Variants in PXDNL observed in about 807,000 individuals in gnomAD.
PXDNL encodes the protein probable oxidoreductase PXDNL.
PXDNL carries 145 observed loss-of-function variants against 150.8 expected under a neutral mutation model. That is an observed-to-expected ratio of 0.96 (90% CI 0.84 to 1.10). The LOEUF (loss-of-function observed/expected upper bound fraction) is 1.10. PXDNL is among the 50% of genes least tolerant of loss of function. The pLI is 0.00. For synonymous variants in PXDNL, 757 were observed against 725.7 expected, an observed-to-expected ratio of 1.04 and a Z score of -0.69; for missense variants, 2,087 against 1,873.9, an observed-to-expected ratio of 1.11 and a Z score of -2.10.
chr8:51,588,543 G>A (rs62505324), intron 3 of PXDNL, among the ~76,000 whole-genome samples: 3,067 of 152,296 alleles, frequency 0.02, 46 homozygotes, highest in East Asian at 0.034. Flanking sequence ...ACTTGTGTAT[G>A]TAATTGATCC....
At chr8:51,527,709 GGAGA>G (rs1811799212) in intron 4 of PXDNL, among the ~76,000 whole-genome samples, 1 of 152,150 alleles carries the variant, frequency 6.6e-6, no homozygotes, top group Admixed American at 6.5e-5. Flanking sequence ...CCTACATGTA[GGAGA>G]GAGAACCATC....
Position 51,405,278 on chromosome 8 carries a change from G to A in PXDNL, c.3557+2789C>T, listed in dbSNP as rs114183168. ...CTCAACAGCGGCCTGAGTGGGTACC[G>A]AGGCCGAGGAGGTGCCCAGAGCGAG... On this transcript the variant is annotated intron_variant, in intron 17 of 22. Transcript: ENST00000356297. 5.0e-3 allele frequency among the ~76,000 whole-genome samples: 759 copies of A among 152,330 alleles called. 5 individuals carry two copies. Among genetic ancestry groups the A allele is most frequent in the African/African-American group, 0.017 (723 of 41,578 alleles).
intron 17 of PXDNL, among the ~76,000 whole-genome samples, chr8:51,403,897 G>A (rs780771754): frequency 6.6e-6 from 1 of 152,208 alleles, no homozygotes; most frequent in Non-Finnish European, 1.5e-5. Context: ...AGGTCTTAAA[G>A]GTGGTGTGTC....
At chr8:51,376,712 T>A (rs191122820) in intron 17 of PXDNL, among the ~76,000 whole-genome samples, 8 of 148,444 alleles carry the variant, frequency 5.4e-5, no homozygotes, top group Admixed American at 5.3e-4. Flanking sequence ...TTGCTTCTCT[T>A]CTCTCTCTCT....
At chr8:51,363,676 G>A (rs923998506) in intron 19 of PXDNL, among the ~76,000 whole-genome samples, 3 of 152,166 alleles carry the variant, frequency 2.0e-5, no homozygotes, top group African/African-American at 7.2e-5. Context: ...CTGTATGTCT[G>A]TGGATTTCAT....
chr8:51,443,582 T>A (rs376303445), intron 12 of PXDNL, among the ~76,000 whole-genome samples: 200 of 152,354 alleles, frequency 1.3e-3, no homozygotes, highest in African/African-American at 4.0e-3. Flanking sequence ...TAAAAATTTA[T>A]GTGTTCATTT....
intron 19 of PXDNL, among the ~76,000 whole-genome samples, chr8:51,361,957 A>G (rs1300161791): frequency 1.3e-5 from 2 of 148,844 alleles, no homozygotes; most frequent in African/African-American, 2.5e-5. Flanking sequence ...AAAAAAAAAA[A>G]AAAAAAAAGA....
intron 17 of PXDNL, among the ~76,000 whole-genome samples, chr8:51,390,216 TAA>T (rs1393529466): frequency 1.3e-5 from 2 of 152,210 alleles, no homozygotes; most frequent in Admixed American, 1.3e-4. Flanking sequence ...ATTCACTCTT[TAA>T]AAACATTCTA....
chr8:51,607,894 A>AAGGT lies in PXDNL; in HGVS notation c.237-15200_237-15197dup, dbSNP rs1813874560. 2.2e-5 allele frequency among the ~76,000 whole-genome samples: 2 copies of AAGGT among 91,394 alleles called. 1 individual carries two copies. The highest frequency in any genetic ancestry group is 4.6e-5 in the Non-Finnish European group (2 of 43,276). 60.0% of individuals were successfully genotyped at this position (91,394 alleles called of 152,430 possible). ...GAAGGAAGGAAGGAAGGAAGGAAGG[A>AAGGT]AGGTGGGGAGGGAGGGAGGGAAGGA... On this transcript the variant is annotated intron_variant, in intron 2 of 22. Coordinates refer to ENST00000356297, the MANE Select transcript of PXDNL (RefSeq NM_144651.5).
At chr8:51,435,802 C>A in intron 12 of PXDNL, 1 of 416,346 alleles carries the variant, frequency 2.4e-6, no homozygotes. Context: ...TCTTTTCTTC[C>A]AGAGGAATAA....
At chr8:51,505,864 A>G (rs1811274746) in intron 4 of PXDNL, among the ~76,000 whole-genome samples, 1 of 152,244 alleles carries the variant, frequency 6.6e-6, no homozygotes, top group African/African-American at 2.4e-5. Context: ...AACTTTCTGT[A>G]TAATAATCTC....
chr8:51,697,306 C>T (rs879807129), intron 1 of PXDNL, among the ~76,000 whole-genome samples: 1 of 45,478 alleles, frequency 2.2e-5, no homozygotes, highest in East Asian at 5.6e-4. Context: ...TCTGTTTTTG[C>T]GGGGTGGGGG....
chr8:51,755,611 G>A (rs12678646), intron 1 of PXDNL, among the ~76,000 whole-genome samples: 26,863 of 152,148 alleles, frequency 0.18, 2,715 homozygotes, highest in Non-Finnish European at 0.22. Context: ...GTTTTGAGAT[G>A]TCCTTATGAT....
Position 51,342,879 on chromosome 8 carries a change from CAA to C in PXDNL, c.4016+2952_4016+2953del, listed in dbSNP as rs35948794. Among the ~76,000 whole-genome samples the C allele has an allele frequency of 8.2e-3, 741 of 90,206 alleles. 2 individuals carry two copies. The highest frequency in any genetic ancestry group is 0.02 in the African/African-American group (561 of 27,834). 59.2% of individuals were successfully genotyped at this position (90,206 alleles called of 152,430 possible). ...CACAGCTGGGATGCTGATTAAGATT[CAA>C]AAAAAAAAAAAAAAAAAAGGGCCTT... On this transcript the variant is annotated intron_variant, in intron 20 of 22. Transcript: ENST00000356297.
chr8:51,620,332 T>A (rs1814224806), intron 2 of PXDNL, among the ~76,000 whole-genome samples: 1 of 152,134 alleles, frequency 6.6e-6, no homozygotes, highest in African/African-American at 2.4e-5. Flanking sequence ...AAAATCTCAA[T>A]ATGTGAGATG....
At chr8:51,695,952 C>T (rs922644855) in intron 1 of PXDNL, among the ~76,000 whole-genome samples, 2 of 152,160 alleles carry the variant, frequency 1.3e-5, no homozygotes, top group South Asian at 2.1e-4. Context: ...AGGGCTGACA[C>T]AAAGAAGTAC....
At chr8:51,579,250 T>G (rs1201468821) in intron 3 of PXDNL, among the ~76,000 whole-genome samples, 1 of 151,968 alleles carries the variant, frequency 6.6e-6, no homozygotes, top group Non-Finnish European at 1.5e-5. Context: ...CTCTCCAAAC[T>G]TAACAGTACA....
At chr8:51,723,857 G>A (rs1020827547) in intron 1 of PXDNL, among the ~76,000 whole-genome samples, 11 of 152,200 alleles carry the variant, frequency 7.2e-5, no homozygotes, top group African/African-American at 2.4e-4. Flanking sequence ...ACTGCATTGC[G>A]GACAGTAAAA....
At chr8:51,661,807 T>G (rs12680999) in intron 1 of PXDNL, among the ~76,000 whole-genome samples, 1 of 151,640 alleles carries the variant, frequency 6.6e-6, no homozygotes, top group Admixed American at 6.6e-5. Flanking sequence ...CTGCAGTTAG[T>G]GTGGGGCAGG....
Sources: allele counts gnomAD v4.1 joint callset (sites outside exome capture counted in the v4.1 genomes callset), GRCh38; gene constraint gnomAD v4.1.1; transcripts MANE v1.5; gene names NCBI Gene and HGNC (gene_info 2026-07-23, HGNC 2026-07-21).